The following PIAS4 variants were observed in gnomAD, a reference collection of about 807,000 sequenced individuals.
PIAS4 encodes the protein protein inhibitor of activated STAT 4.
Under a neutral mutation model 58.0 loss-of-function variants are expected in PIAS4, and 7 were observed. The ratio of observed to expected loss-of-function variants is 0.12; its 90% CI spans 0.07 to 0.23. PIAS4 has a LOEUF of 0.23. PIAS4 is among the 10% of genes least tolerant of loss of function. The pLI is 1.00. For missense variants in PIAS4, 550 were observed against 709.5 expected (o/e 0.78, Z 2.55); for synonymous variants, 364 against 312.4 (o/e 1.17, Z -1.74).
At chr19:4,015,040 A>T (rs553669974) in intron 2 of PIAS4, among the ~76,000 whole-genome samples, 3 of 152,164 alleles carry the variant, frequency 2.0e-5, no homozygotes, top group Non-Finnish European at 4.4e-5. Flanking sequence ...CTCTTGCAGG[A>T]GGTGTCTAGC....
intron 1 of PIAS4, 90 bp downstream of exon 1, chr19:4,007,877 G>C (rs1237712735): frequency 9.9e-7 from 1 of 1,007,186 alleles, no homozygotes; most frequent in Non-Finnish European, 1.3e-6. Context: ...TCTGTCCGGG[G>C]CCCCACAGCG....
chr19:4,035,640 G>A (rs2040266853), intron 9 of PIAS4, among the ~76,000 whole-genome samples: 1 of 152,022 alleles, frequency 6.6e-6, no homozygotes, highest in African/African-American at 2.4e-5. Context: ...TGAGCAGCCA[G>A]CACCTTCACT....
chr19:4,028,624 C>G, intron 5 of PIAS4, 24 bp downstream of exon 5: 2 of 1,610,720 alleles, frequency 1.2e-6, no homozygotes, highest in Non-Finnish European at 1.7e-6. Context: ...GCCCCCGCGT[C>G]GGCTGCACGG....
chr19:4,036,437 TACAA>T (rs1401395454), intron 9 of PIAS4, among the ~76,000 whole-genome samples: 2,831 of 114,110 alleles, frequency 0.025, 222 homozygotes, highest in African/African-American at 0.093. Flanking sequence ...CACACTGTCA[TACAA>T]ACACACACAC....
chr19:4,016,718 C>A (rs1478023778), intron 2 of PIAS4, among the ~76,000 whole-genome samples: 2 of 152,106 alleles, frequency 1.3e-5, no homozygotes, highest in Non-Finnish European at 2.9e-5. Context: ...GAGGAGGGGG[C>A]AGGGGAGCGT....
intron 3 of PIAS4, among the ~76,000 whole-genome samples, chr19:4,024,512 AG>A (rs1254295463): frequency 6.6e-6 from 1 of 152,278 alleles, no homozygotes; most frequent in East Asian, 1.9e-4. Flanking sequence ...AGTGTCCCCT[AG>A]GGCAGGATAA....
chr19:4,037,388 T>C lies in PIAS4; in HGVS notation c.1157T>C (p.Ile386Thr), dbSNP rs930106526. The change falls in exon 10 of 11, where the codon ATC becomes ACC. Residue 386 changes from isoleucine to threonine, a missense_variant. Physicochemically the swap from Ile to Thr is moderately conservative, Grantham distance 89. Coordinates refer to ENST00000262971, the MANE Select transcript of PIAS4 (RefSeq NM_015897.4). This position sits in a 1 kb window ranked among gnomAD's most constrained non-coding sequence, Gnocchi z 5.8. ...CCTCGCCCCAGGCTCCTCTCGAAGATCCTGAGCGAGTGTGAGGACGCCGAC... is the reference window on the plus strand; with the variant it reads ...CCTCGCCCCAGGCTCCTCTCGAAGACCCTGAGCGAGTGTGAGGACGCCGAC... The part of the protein sequence containing the change: ...QLIIDGLLSK[I>T]LSECEDADEI... 6.2e-7 allele frequency: 1 copy of C among 1,608,422 alleles called. No homozygotes were observed. Among genetic ancestry groups the C allele is most frequent in the Non-Finnish European group, 8.5e-7 (1 of 1,176,904 alleles).
rs371814005 is a variant in PIAS4 at position 4,022,337 on chromosome 19, G to T, written c.455-1699G>T. ...GTTCAGCTAGAGTTTTGTTTTTTTT[G>T]TTGTTGTTGTTGTTTTTGGTGGTTT... is the stretch of plus-strand genomic sequence containing the variant. On this transcript the variant is annotated intron_variant, in intron 2 of 10. Coordinates refer to ENST00000262971, the MANE Select transcript of PIAS4 (RefSeq NM_015897.4). Among the ~76,000 whole-genome samples, 170 of 151,256 alleles carry T rather than the reference G, an allele frequency of 1.1e-3. 1 individual carries two copies. The highest frequency in any genetic ancestry group is 2.6e-3 in the African/African-American group (108 of 41,248).
chr19:4,023,985 G>C (rs368774498), intron 2 of PIAS4, 51 bp from the exon 3 acceptor site: 2 of 1,283,412 alleles, frequency 1.6e-6, no homozygotes, highest in Non-Finnish European at 2.3e-6. Context: ...GACTGGGCTC[G>C]GGGGACCTGC....
At chr19:4,033,306 T>TGGC in intron 8 of PIAS4, 114 bp from the exon 9 acceptor site, 1 of 1,315,488 alleles carries the variant, frequency 7.6e-7, no homozygotes, top group Non-Finnish European at 1.0e-6. Flanking sequence ...CCCCTCCGTG[T>TGGC]TCCTGAGGCA....
chr19:4,028,232 ACCCGCCCCTC>A, intron 4 of PIAS4, 45 bp downstream of exon 4: 1 of 956,486 alleles, frequency 1.0e-6, no homozygotes, highest in Non-Finnish European at 1.4e-6. Context: ...ACCCCCAGCC[ACCCGCCCCTC>A]CCCGCCCCCC....
At chr19:4,026,996 C>T (rs1265359912) in intron 3 of PIAS4, among the ~76,000 whole-genome samples, 1 of 145,146 alleles carries the variant, frequency 6.9e-6, no homozygotes, top group African/African-American at 2.5e-5. Flanking sequence ...TACAGGCACC[C>T]GCCACCACGC....
chr19:4,015,469 CCTCTCTCTCCCACTGG>C (rs2040043134), intron 2 of PIAS4, among the ~76,000 whole-genome samples: 1 of 152,178 alleles, frequency 6.6e-6, no homozygotes, highest in African/African-American at 2.4e-5. Context: ...CCCCACCCTG[CCTCTCTCTCCCACTGG>C]CTCTCTCTCC....
chr19:4,029,603 T>C (rs1388838106), intron 7 of PIAS4, among the ~76,000 whole-genome samples: 2 of 150,926 alleles, frequency 1.3e-5, no homozygotes, highest in African/African-American at 2.4e-5. Flanking sequence ...GAGGTTGCAG[T>C]GAGCTGAGAC....
chr19:4,033,702 C>T (rs2040247454), intron 9 of PIAS4, 122 bp downstream of exon 9: 2 of 835,622 alleles, frequency 2.4e-6, no homozygotes, highest in African/African-American at 1.7e-5. Flanking sequence ...GCACATGGTC[C>T]TGGAGCTTTG....
intron 7 of PIAS4, 118 bp from the exon 8 acceptor site, chr19:4,032,982 C>T: frequency 1.3e-6 from 1 of 792,120 alleles, no homozygotes; most frequent in Non-Finnish European, 2.1e-6. Flanking sequence ...AAGCTTGGGA[C>T]TCATCGTCAG....
Position 4,039,075 on chromosome 19 carries a change from AGGCGGGGCACC to A in PIAS4, c.*1204_*1214del, listed in dbSNP as rs1430137049. The A allele has an allele frequency of 6.6e-6, 1 of 152,268 alleles. No individual in the cohort carries two copies. Among genetic ancestry groups the A allele is most frequent in the Non-Finnish European group, 1.5e-5 (1 of 68,082 alleles). 9.4% of individuals were successfully genotyped at this position (152,268 alleles called of 1,614,324 possible). A position where few individuals can be genotyped will look rare whatever the true frequency, so the allele number is the denominator to read the frequency against. ...CTTGCCCCGCAGGAGACCGGGGCGC[AGGCGGGGCACC>A]GGCCTCACCTGGTTCTCCAACACCG... On this transcript the variant is annotated 3_prime_UTR_variant, in exon 11 of 11. Transcript: ENST00000262971.
rs1599237607 is a variant in PIAS4 at position 4,038,177 on chromosome 19, G to C, written c.*302G>C. On this transcript the variant is annotated 3_prime_UTR_variant, in exon 11 of 11. Transcript: ENST00000262971. This position sits in a 1 kb window ranked among gnomAD's most constrained non-coding sequence, Gnocchi z 4.1. Reference sequence around the variant, plus strand: ...CCGGCTGGAGTCCGAGCCGGGAAGGGGTAGTGGGCGGGAGGGACCAGGACG... The same window carrying C: ...CCGGCTGGAGTCCGAGCCGGGAAGGCGTAGTGGGCGGGAGGGACCAGGACG... 5 of 358,972 alleles carry C rather than the reference G, an allele frequency of 1.4e-5. No individual in the cohort carries two copies. The highest frequency in any genetic ancestry group is 2.0e-5 in the Non-Finnish European group (4 of 196,568). The allele number at this position is 358,972 out of a possible 1,614,324, so 22.2% of individuals were successfully genotyped here. A position where few individuals can be genotyped will look rare whatever the true frequency, so the allele number is the denominator to read the frequency against.
chr19:4,013,356 G>A lies in PIAS4; in HGVS notation c.454+7G>A, dbSNP rs2040018304. The A allele has an allele frequency of 6.2e-7, 1 of 1,608,784 alleles. No individual in the cohort carries two copies. The highest frequency in any genetic ancestry group is 1.3e-5 in the African/African-American group (1 of 74,864). On this transcript the variant is annotated splice_region_variant and intron_variant, in intron 2 of 10. Transcript: ENST00000262971. The surrounding 1 kb of genome is among the most constrained non-coding windows in gnomAD (Gnocchi z 5.1). ...CTGAAGCCCACCGAATTAGGTGAGT[G>A]GTCACCCTGGGGAGGCTGCGACTGG... is the stretch of plus-strand genomic sequence containing the variant.
Sources: allele counts gnomAD v4.1 joint callset (sites outside exome capture counted in the v4.1 genomes callset), GRCh38; gene constraint gnomAD v4.1.1; non-coding constraint Gnocchi (gnomAD v3.1); transcripts MANE v1.5; gene names NCBI Gene and HGNC (gene_info 2026-07-23, HGNC 2026-07-21).